TXLNB: variants seen among roughly 807,000 people sequenced by gnomAD.
TXLNB encodes taxilin beta.
A neutral mutation model predicts 57.4 loss-of-function variants in TXLNB; 37 were observed. That is an observed-to-expected ratio of 0.64 (90% CI 0.50 to 0.85). The LOEUF (loss-of-function observed/expected upper bound fraction) is 0.85, where lower values mean the gene tolerates loss of function less well. Among genes scored for constraint, TXLNB ranks in the 40% least tolerant of loss-of-function variants. The pLI is 0.00. For missense variants in TXLNB, 848 were observed against 825.6 expected (o/e 1.03, Z -0.33); for synonymous variants, 302 against 309.6 (o/e 0.98, Z 0.26).
the TXLNB span, among the ~76,000 whole-genome samples, chr6:139,318,475 C>T: frequency 6.7e-6 from 1 of 150,334 alleles, no homozygotes; most frequent in South Asian, 2.1e-4. Flanking sequence ...TGAGAAGCTT[C>T]CAAAACTGAC....
chr6:139,261,577 T>A (rs1776482836), intron 5 of TXLNB, among the ~76,000 whole-genome samples: 1 of 152,082 alleles, frequency 6.6e-6, no homozygotes, highest in South Asian at 2.1e-4. Flanking sequence ...ATATTAAATA[T>A]TAAAATATAA....
At chr6:139,225,302 A>G in the TXLNB span, among the ~76,000 whole-genome samples, 1 of 152,168 alleles carries the variant, frequency 6.6e-6, no homozygotes, top group African/African-American at 2.4e-5. Context: ...ATAAACATTC[A>G]AATTCTACAA....
chr6:139,173,505 T>C, the TXLNB span, among the ~76,000 whole-genome samples: 1 of 152,230 alleles, frequency 6.6e-6, no homozygotes, highest in Non-Finnish European at 1.5e-5. Flanking sequence ...ATAGTCTGAC[T>C]GATGGCAGTG....
chr6:139,295,083 T>G (rs1165125978), upstream of TXLNB, among the ~76,000 whole-genome samples: 1 of 152,218 alleles, frequency 6.6e-6, no homozygotes, highest in Non-Finnish European at 1.5e-5. Context: ...TTTCTCATTG[T>G]CCTGCAATTA....
chr6:139,179,326 A>C, the TXLNB span: 1 of 152,184 alleles, frequency 6.6e-6, no homozygotes, highest in Admixed American at 6.5e-5. Context: ...AACCTGCTTT[A>C]TATTGTTGTT....
chr6:139,209,628 A>C, the TXLNB span, among the ~76,000 whole-genome samples: 1 of 152,196 alleles, frequency 6.6e-6, no homozygotes, highest in Non-Finnish European at 1.5e-5. Flanking sequence ...AGGATACCCT[A>C]TTCAATAAAA....
chr6:139,193,553 T>G, the TXLNB span, among the ~76,000 whole-genome samples: 1 of 152,016 alleles, frequency 6.6e-6, no homozygotes. Context: ...CCAAAGGCAC[T>G]ATCTGTATCT....
chr6:139,288,077 A>G (rs2114639588), intron 2 of TXLNB, among the ~76,000 whole-genome samples: 1 of 152,372 alleles, frequency 6.6e-6, no homozygotes, highest in South Asian at 2.1e-4. Context: ...GGCCTGAAAG[A>G]CAAGATCAGA....
chr6:139,166,278 C>T, the TXLNB span: 3 of 1,581,682 alleles, frequency 1.9e-6, no homozygotes, highest in Middle Eastern at 3.5e-4. Flanking sequence ...TTTATTCCTC[C>T]CCCAGAAGCC....
the TXLNB span, among the ~76,000 whole-genome samples, chr6:139,305,277 T>C: frequency 6.6e-6 from 1 of 152,182 alleles, no homozygotes. Context: ...ATGTGGTGTG[T>C]ATGTATTAAG....
the TXLNB span, among the ~76,000 whole-genome samples, chr6:139,161,392 C>T: frequency 4.6e-5 from 7 of 152,084 alleles, no homozygotes; most frequent in African/African-American, 1.7e-4. Flanking sequence ...GGGGGCTCTT[C>T]ATACAAGGAA....
chr6:139,159,691 G>A, the TXLNB span, among the ~76,000 whole-genome samples: 1 of 152,136 alleles, frequency 6.6e-6, no homozygotes, highest in Admixed American at 6.5e-5. Context: ...GTCTGGTTGG[G>A]TCATTCTTTC....
chr6:139,249,121 T>C (rs1776134053), intron 7 of TXLNB, among the ~76,000 whole-genome samples: 1 of 152,242 alleles, frequency 6.6e-6, no homozygotes, highest in South Asian at 2.1e-4. Context: ...ACCATGGAGA[T>C]ATAGCGAGGA....
the TXLNB span, chr6:139,167,008 C>T: frequency 6.2e-7 from 1 of 1,614,188 alleles, no homozygotes; most frequent in Non-Finnish European, 8.5e-7. Flanking sequence ...TGGCAGTTCA[C>T]AGGGGGGGAC....
the TXLNB span, among the ~76,000 whole-genome samples, chr6:139,211,823 G>A: frequency 1.3e-5 from 2 of 152,188 alleles, no homozygotes; most frequent in African/African-American, 2.4e-5. Flanking sequence ...CAAGAACTAC[G>A]TGACAAATGC....
chr6:139,309,961 C>T, the TXLNB span, among the ~76,000 whole-genome samples: 1 of 152,220 alleles, frequency 6.6e-6, no homozygotes, highest in Admixed American at 6.5e-5. Flanking sequence ...TGTCTTACAC[C>T]ACACACAAAA....
In TXLNB at chr6:139,255,547, C is replaced by T. The variant is rs748961252; in HGVS notation, c.1077+17G>A. On this transcript the variant is annotated intron_variant, in intron 7 of 9. Coordinates refer to ENST00000358430, the MANE Select transcript of TXLNB (RefSeq NM_153235.4). ...CAGTGAGGACAGCACCCCCATGCCT[C>T]GTCCACCTGGCCTCACCTGAGCCTG... The T allele has an allele frequency of 2.4e-5, 38 of 1,611,942 alleles. No individual in the cohort carries two copies. The African/African-American group carries it at 2.5e-4, about 11-fold the overall frequency.
chr6:139,206,770 C>A, the TXLNB span, among the ~76,000 whole-genome samples: 1,412 of 151,680 alleles, frequency 9.3e-3, 8 homozygotes, highest in Non-Finnish European at 0.014. Flanking sequence ...ACACATAAGA[C>A]CTCACATAGA....
intron 3 of TXLNB, among the ~76,000 whole-genome samples, chr6:139,275,440 A>G (rs1776871508): frequency 6.6e-6 from 1 of 152,216 alleles, no homozygotes; most frequent in South Asian, 2.1e-4. Context: ...GGAAAAGAAT[A>G]TGCATAGAAC....
Sources: gnomAD v4.1 joint callset for allele counts (sites outside exome capture counted in the v4.1 genomes callset) on GRCh38, gnomAD v4.1.1 for gene constraint, MANE v1.5 for transcripts, NCBI Gene and HGNC (gene_info 2026-07-23, HGNC 2026-07-21) for gene names.